IL4: variants seen among roughly 807,000 people sequenced by gnomAD.
The protein encoded by IL4 is interleukin-4.
A neutral mutation model predicts 17.4 loss-of-function variants in IL4; 10 were observed. That is an observed-to-expected ratio of 0.57 (90% CI 0.35 to 0.97). The LOEUF (loss-of-function observed/expected upper bound fraction) is 0.97. Among genes scored for constraint, IL4 ranks in the 50% least tolerant of loss-of-function variants. The pLI is 0.01. For synonymous variants in IL4, 87 were observed against 79.0 expected (o/e 1.10, Z -0.54); for missense variants, 174 against 187.7 (o/e 0.93, Z 0.43).
At chr5:132,675,621 T>TC (rs1178860282) in intron 2 of IL4, among the ~76,000 whole-genome samples, 1 of 151,700 alleles carries the variant, frequency 6.6e-6, no homozygotes, top group Non-Finnish European at 1.5e-5. Flanking sequence ...CGATTTCAGC[T>TC]CATAGCAGCC....
intron 2 of IL4, 89 bp from the exon 3 acceptor site, chr5:132,679,625 C>A: frequency 8.3e-7 from 1 of 1,199,574 alleles, no homozygotes; most frequent in Non-Finnish European, 1.2e-6. Flanking sequence ...CATTTGTCCT[C>A]CTGGAAAGAA....
chr5:132,674,001 T>C lies in IL4; in HGVS notation c.-50T>C. On this transcript the variant is annotated 5_prime_UTR_variant, in exon 1 of 4. Coordinates refer to ENST00000231449, the MANE Select transcript of IL4 (RefSeq NM_000589.4). ...TTGTCAGCATTGCATCGTTAGCTTCTCCTGATAAACTAATTGCCTCACATT... is the reference window on the plus strand; with the variant it reads ...TTGTCAGCATTGCATCGTTAGCTTCCCCTGATAAACTAATTGCCTCACATT... 1 of 1,577,378 alleles carries C rather than the reference T, an allele frequency of 6.3e-7. No individual in the cohort carries two copies. The highest frequency in any genetic ancestry group is 8.7e-7 in the Non-Finnish European group (1 of 1,147,710).
At position 132,674,276 on chromosome 5, in the gene IL4, T is replaced by C. The variant is rs1292640093; in HGVS notation, c.135+91T>C. 6.0e-6 allele frequency: 9 copies of C among 1,493,018 alleles called. No homozygotes were observed. The Admixed American group carries it at 6.8e-5, about 11-fold the overall frequency. The allele number at this position is 1,493,018 out of a possible 1,614,324, so 92.5% of individuals were successfully genotyped here. A position where few individuals can be genotyped will look rare whatever the true frequency, so the allele number is the denominator to read the frequency against. On this transcript the variant is annotated intron_variant, in intron 1 of 3. Coordinates refer to ENST00000231449, the MANE Select transcript of IL4 (RefSeq NM_000589.4). Reference sequence around the variant, plus strand: ...AAAACGTTAACAGCTGCTAGAGAAGTTGGAACTGGTGGTTGGTGGCAGTCC... The same window carrying C: ...AAAACGTTAACAGCTGCTAGAGAAGCTGGAACTGGTGGTTGGTGGCAGTCC...
At position 132,679,773 on chromosome 5, in the gene IL4, C is replaced by T. The variant is rs763790153; in HGVS notation, c.243C>T (p.Ser81=). The T allele has an allele frequency of 8.1e-6, 13 of 1,614,146 alleles. No homozygotes were observed. In the Admixed American group the frequency reaches 1.7e-4, roughly 21 times the overall value. Residue 81 remains serine (S), a synonymous_variant, in exon 3 of 4, where the codon AGC becomes AGT. Coordinates refer to ENST00000231449, the MANE Select transcript of IL4 (RefSeq NM_000589.4). ...CGACTGTGCTCCGGCAGTTCTACAG[C>T]CACCATGAGAAGGACACTCGCTGCC... The part of the protein sequence containing the change: ...RAATVLRQFY[S]HHEKDTRCLG...
intron 2 of IL4, among the ~76,000 whole-genome samples, chr5:132,678,755 A>G (rs532899511): frequency 1.6e-4 from 24 of 152,312 alleles, no homozygotes; most frequent in Admixed American, 1.4e-3. Context: ...AACTGGATAA[A>G]GGAACTGGGC....
At chr5:132,678,562 C>T (rs746373188) in intron 2 of IL4, among the ~76,000 whole-genome samples, 9 of 151,996 alleles carry the variant, frequency 5.9e-5, no homozygotes, top group Non-Finnish European at 1.2e-4. Flanking sequence ...TGATAGAAAC[C>T]CCTGAGCATC....
chr5:132,676,435 C>A (rs1271326849), intron 2 of IL4, among the ~76,000 whole-genome samples: 2 of 152,088 alleles, frequency 1.3e-5, no homozygotes, highest in East Asian at 3.8e-4. Context: ...TGGGGCAATC[C>A]ATCTGGGCTG....
At chr5:132,679,975 C>T in intron 3 of IL4, 85 bp downstream of exon 3, 2 of 1,150,328 alleles carry the variant, frequency 1.7e-6, no homozygotes, top group South Asian at 1.6e-5. Flanking sequence ...TTAGGAGCTG[C>T]AGCACCCTTG....
intron 2 of IL4, 41 bp from the exon 3 acceptor site, chr5:132,679,673 T>C (rs773838409): frequency 1.1e-5 from 17 of 1,544,396 alleles, no homozygotes; most frequent in Non-Finnish European, 8.8e-6. Flanking sequence ...ATCCTCCAAA[T>C]GGAGCTGGCA....
intron 3 of IL4, 70 bp downstream of exon 3, chr5:132,679,960 A>C (rs534740372): frequency 1.6e-4 from 205 of 1,296,938 alleles, no homozygotes; most frequent in South Asian, 1.2e-3. Flanking sequence ...ACTTCTAAAC[A>C]CTCCTTAGGA....
At chr5:132,674,212 C>G (rs1017814361) in intron 1 of IL4, 27 bp downstream of exon 1, 1 of 1,609,082 alleles carries the variant, frequency 6.2e-7, no homozygotes, top group African/African-American at 1.3e-5. Flanking sequence ...CACCATCTCT[C>G]CAGATGTTCT....
chr5:132,676,026 T>C (rs1434488322), intron 2 of IL4, among the ~76,000 whole-genome samples: 1 of 151,260 alleles, frequency 6.6e-6, no homozygotes, highest in African/African-American at 2.4e-5. Flanking sequence ...GGTTGAGCAC[T>C]GGGTCTCTGG....
intron 3 of IL4, 21 bp downstream of exon 3, chr5:132,679,911 G>T: frequency 6.3e-7 from 1 of 1,592,028 alleles, no homozygotes; most frequent in South Asian, 1.1e-5. Flanking sequence ...CTGTATTCCT[G>T]GCAAGCCGGC....
chr5:132,678,565 T>C (rs1159260579), intron 2 of IL4, among the ~76,000 whole-genome samples: 1 of 152,176 alleles, frequency 6.6e-6, no homozygotes, highest in Non-Finnish European at 1.5e-5. Context: ...TAGAAACCCC[T>C]GAGCATCTTG....
Position 132,675,552 on chromosome 5 carries a change from C to CTTT in IL4, c.183+1058_183+1060dup, listed in dbSNP as rs34015525. ...TGAGATTCTGAAGGGCAAATACACA[C>CTTT]TTTTTTTTTTTTTTGAGATAGGGTC... On this transcript the variant is annotated intron_variant, in intron 2 of 3. Transcript: ENST00000231449. Among the ~76,000 whole-genome samples the CTTT allele has an allele frequency of 3.4e-3, 491 of 145,176 alleles. 4 individuals are homozygous for CTTT. Among genetic ancestry groups the CTTT allele is most frequent in the African/African-American group, 0.012 (470 of 39,252 alleles).
At chr5:132,678,194 G>C (rs2243267) in intron 2 of IL4, among the ~76,000 whole-genome samples, 39,136 of 152,098 alleles carry the variant, frequency 0.26, 6,577 homozygotes, top group East Asian at 0.77. Context: ...ATTTACAGAA[G>C]CAAAAATCTG....
chr5:132,681,000 C>A lies in IL4; in HGVS notation c.360+1110C>A, dbSNP rs549166661. Among the ~76,000 whole-genome samples the A allele has an allele frequency of 6.6e-6, 1 of 152,224 alleles. No individual in the cohort carries two copies. Among genetic ancestry groups the A allele is most frequent in the African/African-American group, 2.4e-5 (1 of 41,540 alleles). ...CAGGGCTGGAGGTTCAGCAGAAGAT[C>A]AAGAGTTCAATTTTGTACATCGTAC... On this transcript the variant is annotated intron_variant, in intron 3 of 3. Coordinates refer to ENST00000231449, the MANE Select transcript of IL4 (RefSeq NM_000589.4). The surrounding 1 kb of genome is among the most constrained non-coding windows in gnomAD (Gnocchi z 4.3).
chr5:132,681,289 C>A (rs1752482929), intron 3 of IL4, among the ~76,000 whole-genome samples: 1 of 151,952 alleles, frequency 6.6e-6, no homozygotes, highest in Non-Finnish European at 1.5e-5. Context: ...TGGGCGGTAC[C>A]CCAGGAAGCC....
Position 132,680,352 on chromosome 5 carries a change from T to C in IL4, c.360+462T>C, listed in dbSNP as rs146936029. Among the ~76,000 whole-genome samples the C allele has an allele frequency of 1.2e-4, 18 of 152,254 alleles. No homozygotes were observed. In the East Asian group the frequency reaches 1.5e-3, roughly 13 times the overall value. Reference sequence around the variant, plus strand: ...CAAAGGCCTTAGGATGGAAATGAACTAACTTCCTGTATTTAAAGACCAGTA... The same window carrying C: ...CAAAGGCCTTAGGATGGAAATGAACCAACTTCCTGTATTTAAAGACCAGTA... On this transcript the variant is annotated intron_variant, in intron 3 of 3. Transcript: ENST00000231449. This position sits in a 1 kb window ranked among gnomAD's most constrained non-coding sequence, Gnocchi z 4.3.
Sources: gnomAD v4.1 joint callset for allele counts (sites outside exome capture counted in the v4.1 genomes callset) on GRCh38, gnomAD v4.1.1 for gene constraint, Gnocchi (gnomAD v3.1) non-coding constraint, MANE v1.5 for transcripts, NCBI Gene and HGNC (gene_info 2026-07-23, HGNC 2026-07-21) for gene names.